Variants in RUNX1T1 observed in about 807,000 individuals in gnomAD.
RUNX1T1 encodes the protein RUNX1 partner transcriptional co-repressor 1.
In RUNX1T1, 4 loss-of-function variants were observed where a neutral mutation model predicts 62.8. That is an observed-to-expected ratio of 0.06 (90% CI 0.03 to 0.15). The LOEUF (loss-of-function observed/expected upper bound fraction) is 0.15. Ranked by LOEUF, RUNX1T1 falls within the 10% of genes least tolerant of loss-of-function variation. RUNX1T1 has a pLI of 1.00. For missense variants in RUNX1T1, 508 were observed against 754.3 expected (o/e 0.67, Z 3.82); for synonymous variants, 291 against 286.0 (o/e 1.02, Z -0.18).
intron 1 of RUNX1T1, among the ~76,000 whole-genome samples, chr8:92,055,478 G>A (rs1035889215): frequency 2.6e-5 from 4 of 152,136 alleles, no homozygotes; most frequent in African/African-American, 9.7e-5. Context: ...GTTTCACTGT[G>A]TTGCTCAGGC....
In RUNX1T1 at chr8:91,960,852, T is replaced by C. The variant is rs1810284715; in HGVS notation, c.1459-335A>G. Among the ~76,000 whole-genome samples the C allele has an allele frequency of 2.0e-5, 3 of 152,236 alleles. No individual in the cohort carries two copies. In the South Asian group the frequency reaches 6.2e-4, roughly 32 times the overall value. On this transcript the variant is annotated intron_variant, in intron 10 of 10. Transcript: ENST00000396218. ...CACTCATACTGACTAGCAATTACTA[T>C]TTCCAAATCTTTTCCCAATACCTAT...
chr8:92,002,119 A>T (rs932231565), intron 5 of RUNX1T1, among the ~76,000 whole-genome samples: 2 of 152,200 alleles, frequency 1.3e-5, no homozygotes, highest in African/African-American at 4.8e-5. Context: ...TGACGTTTAC[A>T]TATTAACAAA....
intron 1 of RUNX1T1, among the ~76,000 whole-genome samples, chr8:92,094,668 C>A (rs1837524885): frequency 6.6e-6 from 1 of 152,194 alleles, no homozygotes; most frequent in Admixed American, 6.5e-5. Context: ...CCTTTACCCT[C>A]TTTTCTCAGT....
intron 3 of RUNX1T1, 39 bp downstream of exon 4, chr8:92,014,540 C>T (rs772390528): frequency 1.2e-5 from 18 of 1,562,052 alleles, no homozygotes; most frequent in Non-Finnish European, 1.1e-5. Flanking sequence ...CACACTATCC[C>T]TTACACCAAG....
chr8:92,076,257 C>A, intron 1 of RUNX1T1, 120 bp from the exon 2 acceptor site: 1 of 630,748 alleles, frequency 1.6e-6, no homozygotes, highest in Non-Finnish European at 2.3e-6. Context: ...AAAAAAAAAA[C>A]AGATACAAGC....
chr8:91,985,807 G>A (rs945912520), intron 8 of RUNX1T1, among the ~76,000 whole-genome samples: 1 of 152,162 alleles, frequency 6.6e-6, no homozygotes, highest in South Asian at 2.1e-4. Context: ...CACTCCCTGA[G>A]ATTGTTTTTG....
At chr8:91,971,823 T>G (rs1812898383) in intron 9 of RUNX1T1, among the ~76,000 whole-genome samples, 1 of 152,054 alleles carries the variant, frequency 6.6e-6, no homozygotes, top group Non-Finnish European at 1.5e-5. Flanking sequence ...GAGGAAAGGG[T>G]GCAAAGATTC....
chr8:92,048,266 A>G (rs936238720), intron 1 of RUNX1T1, among the ~76,000 whole-genome samples: 9 of 152,328 alleles, frequency 5.9e-5, no homozygotes, highest in South Asian at 4.1e-4. Flanking sequence ...TAAATAACAT[A>G]TAGGCCCTAT....
downstream of RUNX1T1, chr8:91,957,095 C>T (rs1012086145): frequency 9.2e-6 from 2 of 218,170 alleles, no homozygotes; most frequent in Admixed American, 1.2e-4. Context: ...ACGCCCTATT[C>T]CTATCAGCGA....
Position 92,004,369 on chromosome 8 carries a change from A to G in RUNX1T1, c.659+747T>C, listed in dbSNP as rs1820331196. ...AGACTTTGCATTCCTATATCAGAAG[A>G]TAATTATAGATGAGGATGAGGTATT... is the stretch of plus-strand genomic sequence containing the variant. On this transcript the variant is annotated intron_variant, in intron 5 of 10. Coordinates refer to ENST00000396218, the Ensembl canonical transcript of RUNX1T1. 3.3e-5 allele frequency: 5 copies of G among 152,252 alleles called. No individual in the cohort carries two copies. The South Asian group carries it at 6.2e-4, about 19-fold the overall frequency. The allele number at this position is 152,252 out of a possible 1,614,324, so 9.4% of individuals were successfully genotyped here.
chr8:91,960,639 A>G lies in RUNX1T1; in HGVS notation c.1459-122T>C, dbSNP rs1586679722. 1.4e-5 allele frequency: 15 copies of G among 1,076,160 alleles called. No individual in the cohort carries two copies. The East Asian group carries it at 3.7e-4, about 26-fold the overall frequency. The allele number at this position is 1,076,160 out of a possible 1,614,324, so 66.7% of individuals were successfully genotyped here. A position where few individuals can be genotyped will look rare whatever the true frequency, so the allele number is the denominator to read the frequency against. ...CAAGAACTATACAGTCAGGATGAAA[A>G]ATCCAGGTGTTCACGTATGGATACA... On this transcript the variant is annotated intron_variant, in intron 10 of 10. Transcript: ENST00000396218.
intron 1 of RUNX1T1, among the ~76,000 whole-genome samples, chr8:92,054,967 T>C (rs1053128975): frequency 1.3e-5 from 2 of 152,088 alleles, no homozygotes; most frequent in African/African-American, 4.8e-5. Flanking sequence ...ATTGCGCCAC[T>C]GCACTCCAGC....
intron 2 of RUNX1T1, among the ~76,000 whole-genome samples, chr8:92,071,894 T>C (rs1030870158): frequency 2.6e-5 from 4 of 152,126 alleles, no homozygotes; most frequent in Non-Finnish European, 5.9e-5. Context: ...CTCATTTCCT[T>C]CTCCACCTCT....
chr8:92,087,947 C>T (rs1026408185), intron 1 of RUNX1T1, among the ~76,000 whole-genome samples: 1 of 152,192 alleles, frequency 6.6e-6, no homozygotes, highest in Non-Finnish European at 1.5e-5. Context: ...ATTAACTCTT[C>T]CTTTAGACAT....
chr8:91,999,259 C>T (rs1345300837), intron 5 of RUNX1T1, among the ~76,000 whole-genome samples: 1 of 152,138 alleles, frequency 6.6e-6, no homozygotes, highest in Non-Finnish European at 1.5e-5. Flanking sequence ...TGAGAGATTA[C>T]TCCAGAATGT....
At position 92,054,936 on chromosome 8, in the gene RUNX1T1, T is replaced by C. The variant is rs901095583; in HGVS notation, c.7+7610A>G. Among the ~76,000 whole-genome samples the C allele has an allele frequency of 3.2e-4, 48 of 151,984 alleles. 1 individual carries two copies. The highest frequency in any genetic ancestry group is 1.1e-3 in the African/African-American group (46 of 41,382). On this transcript the variant is annotated intron_variant, in intron 1 of 10. Transcript: ENST00000396218. The stretch of plus-strand genomic sequence containing the variant: ...AGGGGAACTGCTTGAACCCGGGAGA[T>C]GGAGGTTGCAGTGAGCCAAGATTGC...
chr8:91,977,800 CTTTTTTT>C (rs58491558), intron 8 of RUNX1T1, among the ~76,000 whole-genome samples: 5,359 of 151,118 alleles, frequency 0.035, 318 homozygotes, highest in African/African-American at 0.12. Flanking sequence ...TTTCTTTTTT[CTTTTTTT>C]GAGACGGAGT....
At chr8:92,006,046 T>C (rs1456286311) in intron 4 of RUNX1T1, 1 of 151,234 alleles carries the variant, frequency 6.6e-6, no homozygotes, top group Non-Finnish European at 1.5e-5. Context: ...AAATCCTGTA[T>C]ACTGGTCACT....
chr8:91,960,328 C>T (rs1232172904), exon 11 of RUNX1T1: 1 of 1,612,826 alleles, frequency 6.2e-7, no homozygotes, highest in Non-Finnish European at 8.5e-7. Flanking sequence ...ATCGGGCTCC[C>T]AGCCCCGCTG....
Sources: gnomAD v4.1 joint callset for allele counts (sites outside exome capture counted in the v4.1 genomes callset) on GRCh38, gnomAD v4.1.1 for gene constraint, MANE v1.5 for transcripts, NCBI Gene and HGNC (gene_info 2026-07-23, HGNC 2026-07-21) for gene names.